VPS53: variants seen among roughly 807,000 people sequenced by gnomAD.
The protein encoded by VPS53 is VPS53 subunit of GARP complex.
Under a neutral mutation model 107.0 loss-of-function variants are expected in VPS53, and 70 were observed. The ratio of observed to expected loss-of-function variants is 0.65; its 90% CI spans 0.54 to 0.80. VPS53 has a LOEUF of 0.80. Ranked by LOEUF, VPS53 falls within the 30% of genes least tolerant of loss-of-function variation. The pLI is 0.00. For synonymous variants in VPS53, 409 were observed against 393.3 expected (o/e 1.04, Z -0.47); for missense variants, 917 against 1,049.4 (o/e 0.87, Z 1.74).
At chr17:620,898 G>A (rs990529671) in intron 11 of VPS53, among the ~76,000 whole-genome samples, 1 of 151,998 alleles carries the variant, frequency 6.6e-6, no homozygotes. Flanking sequence ...ATGAGCCACC[G>A]CACCCGGCCT....
chr17:560,394 G>T (rs900515521), intron 15 of VPS53, 32 bp downstream of exon 15: 38 of 1,599,794 alleles, frequency 2.4e-5, no homozygotes, highest in Non-Finnish European at 3.2e-5. Flanking sequence ...TCAGGAAAAG[G>T]AGGTGGTGAG....
At chr17:558,372 G>A (rs570034384) in intron 15 of VPS53, among the ~76,000 whole-genome samples, 45 of 152,236 alleles carry the variant, frequency 3.0e-4, no homozygotes, top group African/African-American at 1.0e-3. Flanking sequence ...AGTGGCTCAC[G>A]TCTGTAATCC....
At chr17:575,477 C>G (rs1359513276) in intron 13 of VPS53, among the ~76,000 whole-genome samples, 1 of 152,048 alleles carries the variant, frequency 6.6e-6, no homozygotes, top group African/African-American at 2.4e-5. Context: ...TAACGCGTTC[C>G]CAGAGAACTT....
At chr17:560,674 G>T in intron 14 of VPS53, 101 bp from the exon 15 acceptor site, 1 of 1,377,956 alleles carries the variant, frequency 7.3e-7, no homozygotes, top group Non-Finnish European at 9.9e-7. Context: ...GGAAGTAAAG[G>T]CTGGACATGG....
intron 4 of VPS53, among the ~76,000 whole-genome samples, chr17:689,338 C>T (rs557849782): frequency 6.6e-6 from 1 of 152,190 alleles, no homozygotes; most frequent in African/African-American, 2.4e-5. Flanking sequence ...AGACAGGGTC[C>T]CCAGGCTGCA....
In VPS53 at chr17:517,359, G is replaced by A. The variant is rs373600774; in HGVS notation, c.*1769C>T. ...ATGACACTCAGGATCAGAGCTGGAC[G>A]GCATCGGGGAGAAAGCCTGGCAGAG... On this transcript the variant is annotated 3_prime_UTR_variant, in exon 22 of 22. Coordinates refer to ENST00000437048, the MANE Select transcript of VPS53 (RefSeq NM_001128159.3). 3.3e-4 allele frequency: 131 copies of A among 399,090 alleles called. 1 individual carries two copies. The South Asian group carries it at 0.015, about 45-fold the overall frequency. 24.7% of individuals were successfully genotyped at this position (399,090 alleles called of 1,614,324 possible).
chr17:702,606 C>T (rs565445806), intron 2 of VPS53, among the ~76,000 whole-genome samples: 10 of 151,980 alleles, frequency 6.6e-5, no homozygotes, highest in Admixed American at 1.3e-4. Flanking sequence ...GCAGAGGTTG[C>T]GGTGAGCCGA....
intron 12 of VPS53, among the ~76,000 whole-genome samples, chr17:598,996 T>TGG (rs766745845): frequency 2.6e-4 from 5 of 18,948 alleles, no homozygotes; most frequent in South Asian, 1.9e-3. Flanking sequence ...GGGAGGGAGG[T>TGG]GGGGGGGGGG....
At position 631,578 on chromosome 17, in the gene VPS53, T is replaced by G. The variant is rs1350457380; in HGVS notation, c.659A>C (p.Glu220Ala). The G allele has an allele frequency of 1.2e-6, 2 of 1,613,930 alleles. No homozygotes were observed. The highest frequency in any genetic ancestry group is 2.7e-5 in the African/African-American group (2 of 74,904). Residue 220 changes from glutamate to alanine, a missense_variant, in exon 8 of 22, where the codon GAA becomes GCA. Physicochemically the swap from Glu to Ala is moderately radical, Grantham distance 107. Transcript: ENST00000437048. The stretch of plus-strand genomic sequence containing the variant: ...GGTGCCCTGGGAAGGAAACGCTTCT[T>G]CAAAATCTGCCAGGATTTGCTGTCC... ...ELGQQILADFEEAFPSQGTKR... is the reference protein window; with the variant it reads ...ELGQQILADFAEAFPSQGTKR...
intron 12 of VPS53, among the ~76,000 whole-genome samples, chr17:596,080 C>A (rs541783168): frequency 3.4e-4 from 52 of 152,350 alleles, no homozygotes; most frequent in African/African-American, 1.2e-3. Context: ...GTACACTGTA[C>A]CTCGCTGTAC....
At chr17:528,471 A>G (rs1449958678) in intron 19 of VPS53, among the ~76,000 whole-genome samples, 1 of 151,980 alleles carries the variant, frequency 6.6e-6, no homozygotes. Context: ...GTATGGATAG[A>G]CCACATTTTG....
At chr17:628,360 C>T in intron 8 of VPS53, 129 bp from the exon 9 acceptor site, 1 of 1,112,460 alleles carries the variant, frequency 9.0e-7, no homozygotes. Context: ...CTCATTCTTT[C>T]TGCTGTGGCT....
At chr17:672,208 TC>T in intron 4 of VPS53, among the ~76,000 whole-genome samples, 1 of 150,534 alleles carries the variant, frequency 6.6e-6, no homozygotes, top group African/African-American at 2.5e-5. Flanking sequence ...TCTCTCTCTC[TC>T]TCTGAGCTTT....
chr17:528,320 T>C (rs913314275), intron 19 of VPS53, among the ~76,000 whole-genome samples: 1 of 152,230 alleles, frequency 6.6e-6, no homozygotes, highest in Non-Finnish European at 1.5e-5. Flanking sequence ...TTGCCTGTTC[T>C]GGACATTTCA....
intron 11 of VPS53, among the ~76,000 whole-genome samples, chr17:614,107 C>A (rs1342523847): frequency 6.6e-6 from 1 of 152,208 alleles, no homozygotes; most frequent in Non-Finnish European, 1.5e-5. Flanking sequence ...CTGCCCAGGA[C>A]TGGGGAAAGA....
At chr17:668,815 A>G (rs576564903) in intron 4 of VPS53, among the ~76,000 whole-genome samples, 74 of 152,150 alleles carry the variant, frequency 4.9e-4, no homozygotes, top group Non-Finnish European at 1.0e-3. Context: ...ATCCTATCTC[A>G]GAGAAAGGGT....
intron 11 of VPS53, among the ~76,000 whole-genome samples, chr17:616,835 C>T (rs1969159457): frequency 6.6e-6 from 1 of 152,228 alleles, no homozygotes; most frequent in South Asian, 2.1e-4. Context: ...TGCCCTCGTT[C>T]CCTTACCACT....
chr17:627,027 C>A, intron 10 of VPS53, 147 bp downstream of exon 10: 1 of 1,050,174 alleles, frequency 9.5e-7, no homozygotes, highest in Non-Finnish European at 1.3e-6. Flanking sequence ...CTGGTGGGGC[C>A]ACTGTGGGGT....
At chr17:581,270 A>G (rs1967000098) in intron 13 of VPS53, among the ~76,000 whole-genome samples, 1 of 150,468 alleles carries the variant, frequency 6.6e-6, no homozygotes, top group Admixed American at 6.6e-5. Flanking sequence ...TCGTTTCCAG[A>G]GAACCTCCCT....
Sources: gnomAD v4.1 joint callset for allele counts (sites outside exome capture counted in the v4.1 genomes callset) on GRCh38, gnomAD v4.1.1 for gene constraint, MANE v1.5 for transcripts, NCBI Gene and HGNC (gene_info 2026-07-23, HGNC 2026-07-21) for gene names.